Variants in BACH2 observed in about 807,000 individuals in gnomAD.
BACH2 encodes BACH transcriptional regulator 2, also known as transcription regulator protein BACH2.
In BACH2, 5 loss-of-function variants were observed where a neutral mutation model predicts 61.8. That is an observed-to-expected ratio of 0.08 (90% CI 0.04 to 0.17). BACH2 has a LOEUF of 0.17. Among genes scored for constraint, BACH2 ranks in the 10% least tolerant of loss-of-function variants. BACH2 has a pLI of 1.00. For missense variants in BACH2, 824 were observed against 1,091.1 expected (o/e 0.76, Z 3.45); for synonymous variants, 446 against 440.1 (o/e 1.01, Z -0.17).
chr6:90,078,604 A>T (rs771257152), intron 5 of BACH2, among the ~76,000 whole-genome samples: 1 of 152,198 alleles, frequency 6.6e-6, no homozygotes, highest in Non-Finnish European at 1.5e-5. Flanking sequence ...AACACATTTT[A>T]TGATGCAACT....
intron 4 of BACH2, among the ~76,000 whole-genome samples, chr6:90,094,788 T>A (rs1782314758): frequency 6.6e-6 from 1 of 152,168 alleles, no homozygotes; most frequent in African/African-American, 2.4e-5. Flanking sequence ...AGCTTCACCA[T>A]GCCACTTCTG....
chr6:90,015,711 T>C (rs1305750468), intron 5 of BACH2, among the ~76,000 whole-genome samples: 2 of 152,214 alleles, frequency 1.3e-5, no homozygotes, highest in Non-Finnish European at 2.9e-5. Flanking sequence ...TGGTAAATAC[T>C]ACATAAGCAC....
chr6:90,043,597 AAACT>A (rs1214604493), intron 5 of BACH2, among the ~76,000 whole-genome samples: 2 of 152,050 alleles, frequency 1.3e-5, no homozygotes, highest in African/African-American at 2.4e-5. Flanking sequence ...AACAGAAAAC[AAACT>A]AAGACACTCA....
At chr6:90,255,066 T>A (rs1770933507) in intron 2 of BACH2, among the ~76,000 whole-genome samples, 1 of 152,214 alleles carries the variant, frequency 6.6e-6, no homozygotes, top group Non-Finnish European at 1.5e-5. Flanking sequence ...TCCCCTTTTC[T>A]AGCCCACATA....
intron 6 of BACH2, among the ~76,000 whole-genome samples, chr6:89,978,163 G>A (rs1411238567): frequency 6.6e-6 from 1 of 152,206 alleles, no homozygotes; most frequent in Non-Finnish European, 1.5e-5. Flanking sequence ...ACCATTAATA[G>A]CACTTATCAT....
intron 4 of BACH2, among the ~76,000 whole-genome samples, chr6:90,153,020 G>C (rs1784883728): frequency 6.6e-6 from 1 of 152,110 alleles, no homozygotes. Context: ...TTAAGCACCA[G>C]AGTAGATGAA....
At chr6:90,122,176 C>T (rs1006095517) in intron 4 of BACH2, among the ~76,000 whole-genome samples, 2 of 152,252 alleles carry the variant, frequency 1.3e-5, no homozygotes, top group Non-Finnish European at 2.9e-5. Context: ...CACATCCTCT[C>T]TGCCCTTAAG....
At chr6:90,164,203 T>C (rs901331532) in intron 4 of BACH2, among the ~76,000 whole-genome samples, 4 of 152,062 alleles carry the variant, frequency 2.6e-5, no homozygotes, top group Admixed American at 2.6e-4. Context: ...AAGAATCAAA[T>C]AGATGCAATA....
intron 5 of BACH2, among the ~76,000 whole-genome samples, chr6:90,085,923 C>G (rs565810627): frequency 3.9e-5 from 6 of 152,300 alleles, no homozygotes; most frequent in African/African-American, 1.4e-4. Context: ...CATCATCATT[C>G]ATCTCCGGAA....
At chr6:90,048,777 G>A (rs1026837464) in intron 5 of BACH2, among the ~76,000 whole-genome samples, 5 of 152,182 alleles carry the variant, frequency 3.3e-5, no homozygotes, top group African/African-American at 1.2e-4. Flanking sequence ...TTGGCACTCT[G>A]AGCAATAATT....
At chr6:90,182,431 A>C (rs1006210064) in intron 4 of BACH2, among the ~76,000 whole-genome samples, 1 of 152,048 alleles carries the variant, frequency 6.6e-6, no homozygotes, top group African/African-American at 2.4e-5. Flanking sequence ...TTCCTACCTC[A>C]TCCAGGCAGA....
intron 4 of BACH2, among the ~76,000 whole-genome samples, chr6:90,164,510 C>T (rs1166724383): frequency 6.6e-6 from 1 of 152,010 alleles, no homozygotes; most frequent in Non-Finnish European, 1.5e-5. Context: ...ACCATTCCTT[C>T]TGAAACTATT....
chr6:90,050,024 T>C (rs1213662313), intron 5 of BACH2, among the ~76,000 whole-genome samples: 3 of 152,220 alleles, frequency 2.0e-5, no homozygotes, highest in Admixed American at 6.5e-5. Flanking sequence ...ACAGTATTTG[T>C]TGCCACTGAT....
intron 4 of BACH2, among the ~76,000 whole-genome samples, chr6:90,135,378 T>C (rs1481757018): frequency 6.6e-6 from 1 of 152,196 alleles, no homozygotes; most frequent in East Asian, 1.9e-4. Flanking sequence ...ACTTCTCGCC[T>C]AAGTTTTACT....
At chr6:90,025,056 T>C (rs1033108354) in intron 5 of BACH2, among the ~76,000 whole-genome samples, 2 of 152,148 alleles carry the variant, frequency 1.3e-5, no homozygotes, top group Non-Finnish European at 2.9e-5. Context: ...AGGCTACAAC[T>C]GGGATTTAAC....
intron 5 of BACH2, among the ~76,000 whole-genome samples, chr6:90,032,309 G>C (rs531204729): frequency 1.4e-5 from 2 of 147,000 alleles, no homozygotes; most frequent in African/African-American, 5.2e-5. Flanking sequence ...AGTACTTCAT[G>C]TCTAAAACAC....
intron 1 of BACH2, among the ~76,000 whole-genome samples, chr6:90,280,726 C>T (rs1031483558): frequency 2.6e-5 from 4 of 152,162 alleles, no homozygotes; most frequent in Non-Finnish European, 5.9e-5. Flanking sequence ...GTCCAGGGAC[C>T]AGGCAGTGGG....
chr6:90,175,416 C>T (rs1040453181), intron 4 of BACH2, among the ~76,000 whole-genome samples: 1 of 151,820 alleles, frequency 6.6e-6, no homozygotes, highest in Non-Finnish European at 1.5e-5. Flanking sequence ...CTGTATAAGA[C>T]AGAAGAAAAA....
intron 5 of BACH2, among the ~76,000 whole-genome samples, chr6:90,020,856 G>C (rs1329307735): frequency 9.2e-5 from 14 of 152,110 alleles, no homozygotes; most frequent in Non-Finnish European, 1.2e-4. Flanking sequence ...GAATGAAATG[G>C]TTTATAGTGA....
Sources: allele counts gnomAD v4.1 joint callset (sites outside exome capture counted in the v4.1 genomes callset), GRCh38; gene constraint gnomAD v4.1.1; transcripts MANE v1.5; gene names NCBI Gene and HGNC (gene_info 2026-07-23, HGNC 2026-07-21).